WDR7: variants seen among roughly 807,000 people sequenced by gnomAD.
WDR7 encodes WD repeat domain 7.
A neutral mutation model predicts 169.4 loss-of-function variants in WDR7; 46 were observed. That is an observed-to-expected ratio of 0.27 (90% confidence interval 0.21 to 0.35). The LOEUF is 0.35. Among genes scored for constraint, WDR7 ranks in the 10% least tolerant of loss-of-function variants. The pLI is 1.00. For missense variants in WDR7, 1,534 were observed against 1,859.3 expected, an observed-to-expected ratio of 0.83 and a Z score of 3.22; for synonymous variants, 612 against 666.8, an observed-to-expected ratio of 0.92 and a Z score of 1.27.
At chr18:56,752,298 T>G (rs572365569) in intron 14 of WDR7, among the ~76,000 whole-genome samples, 38 of 152,328 alleles carry the variant, frequency 2.5e-4, no homozygotes, top group Admixed American at 9.8e-4. Flanking sequence ...ATGTGATACT[T>G]CTGTCTTTGT....
At chr18:56,948,653 G>A (rs915304023) in intron 25 of WDR7, among the ~76,000 whole-genome samples, 10 of 152,168 alleles carry the variant, frequency 6.6e-5, no homozygotes, top group Non-Finnish European at 1.5e-4. Context: ...TTCTATAAAA[G>A]ACCTTCTGTT....
chr18:56,774,758 G>A (rs1047141881), intron 16 of WDR7, among the ~76,000 whole-genome samples: 15 of 152,038 alleles, frequency 9.9e-5, no homozygotes, highest in African/African-American at 3.6e-4. Context: ...CAGTTGTGAG[G>A]TAGTGTGAAT....
intron 20 of WDR7, among the ~76,000 whole-genome samples, chr18:56,840,871 T>C (rs2045475214): frequency 6.6e-6 from 1 of 151,620 alleles, no homozygotes; most frequent in Non-Finnish European, 1.5e-5. Flanking sequence ...AATTTTGTTA[T>C]AAAATATGCA....
Position 56,736,439 on chromosome 18 carries a change from G to A in WDR7, c.1989+4842G>A, listed in dbSNP as rs576441291. ...GAAATTCTTTTTAAGCCACATCTTC[G>A]TATGATATTATTGAGAGACAGAGTA... On this transcript the variant is annotated intron_variant, in intron 14 of 27. Coordinates refer to ENST00000254442, the MANE Select transcript of WDR7 (RefSeq NM_015285.3). 6.6e-5 allele frequency among the ~76,000 whole-genome samples: 10 copies of A among 151,756 alleles called. 1 individual carries two copies. Among genetic ancestry groups the A allele is most frequent in the Non-Finnish European group, 1.0e-4 (7 of 67,938 alleles).
At chr18:56,986,172 GTGTGTGTA>G (rs1326277945) in intron 26 of WDR7, among the ~76,000 whole-genome samples, 180 of 142,042 alleles carry the variant, frequency 1.3e-3, no homozygotes, top group Non-Finnish European at 2.2e-3. Flanking sequence ...GTGTGTGTGT[GTGTGTGTA>G]TACATATTCA....
intron 20 of WDR7, among the ~76,000 whole-genome samples, chr18:56,843,563 C>A (rs1045673704): frequency 1.1e-4 from 17 of 152,170 alleles, no homozygotes; most frequent in Non-Finnish European, 2.2e-4. Flanking sequence ...ATCCATTCAA[C>A]AGAGTGGATC....
intron 27 of WDR7, among the ~76,000 whole-genome samples, chr18:57,022,203 T>C (rs1322647168): frequency 6.6e-6 from 1 of 152,250 alleles, no homozygotes; most frequent in Non-Finnish European, 1.5e-5. Flanking sequence ...AGTGGTTCTT[T>C]AAGGATTTTA....
intron 19 of WDR7, among the ~76,000 whole-genome samples, chr18:56,793,095 G>A (rs768815896): frequency 3.9e-5 from 6 of 152,208 alleles, no homozygotes; most frequent in Non-Finnish European, 8.8e-5. Flanking sequence ...GTTGTCTCCT[G>A]GAAGCACAGA....
At chr18:56,995,924 A>G (rs888224307) in intron 26 of WDR7, among the ~76,000 whole-genome samples, 12 of 152,324 alleles carry the variant, frequency 7.9e-5, no homozygotes, top group Admixed American at 2.6e-4. Flanking sequence ...CTATACATAT[A>G]GAAGCTGGGC....
chr18:56,791,304 G>A (rs1416245241), intron 19 of WDR7, among the ~76,000 whole-genome samples: 3 of 152,164 alleles, frequency 2.0e-5, no homozygotes, highest in Non-Finnish European at 2.9e-5. Flanking sequence ...GAATATTCAT[G>A]CTGATTTAAA....
chr18:57,004,941 G>A (rs992019880), intron 26 of WDR7, among the ~76,000 whole-genome samples: 1 of 152,168 alleles, frequency 6.6e-6, no homozygotes, highest in East Asian at 1.9e-4. Context: ...GTATTAACTC[G>A]TACTCACACC....
At chr18:56,677,070 C>T (rs1568131416) in intron 2 of WDR7, among the ~76,000 whole-genome samples, 1 of 152,120 alleles carries the variant, frequency 6.6e-6, no homozygotes, top group Non-Finnish European at 1.5e-5. Flanking sequence ...TTTCTGTGTA[C>T]TTACTATTAC....
At chr18:56,737,441 C>G (rs2026724914) in intron 14 of WDR7, among the ~76,000 whole-genome samples, 1 of 152,146 alleles carries the variant, frequency 6.6e-6, no homozygotes, top group Non-Finnish European at 1.5e-5. Context: ...AGCTTTACAT[C>G]TTGAGCATTG....
chr18:56,796,412 A>G (rs1246883462), intron 19 of WDR7, among the ~76,000 whole-genome samples: 1 of 152,228 alleles, frequency 6.6e-6, no homozygotes. Flanking sequence ...CCAGAGATGT[A>G]TATCTACTGA....
chr18:56,714,245 C>T (rs527436996), intron 12 of WDR7, among the ~76,000 whole-genome samples: 4 of 152,172 alleles, frequency 2.6e-5, no homozygotes, highest in Non-Finnish European at 5.9e-5. Flanking sequence ...TTAAAAAGCA[C>T]AGAACCATCT....
chr18:56,929,860 A>T (rs763871219), intron 22 of WDR7, among the ~76,000 whole-genome samples: 5 of 152,236 alleles, frequency 3.3e-5, no homozygotes, highest in Non-Finnish European at 5.9e-5. Flanking sequence ...TTAGATCAGC[A>T]TGGTCATGTA....
intron 19 of WDR7, among the ~76,000 whole-genome samples, chr18:56,796,021 T>C (rs2044579388): frequency 6.6e-6 from 1 of 152,226 alleles, no homozygotes; most frequent in Non-Finnish European, 1.5e-5. Context: ...TGAGTTTCTG[T>C]ACTTCGAAGG....
chr18:56,933,759 C>T (rs532609022), intron 22 of WDR7, among the ~76,000 whole-genome samples: 3 of 152,292 alleles, frequency 2.0e-5, no homozygotes, highest in South Asian at 2.1e-4. Context: ...TTCTCAGACC[C>T]GCCTTCTCAC....
chr18:56,881,699 C>T (rs1156929835), intron 21 of WDR7, among the ~76,000 whole-genome samples: 1 of 152,148 alleles, frequency 6.6e-6, no homozygotes, highest in East Asian at 1.9e-4. Context: ...CAACCTCCTG[C>T]CTCAGCCTCC....
Sources: allele counts gnomAD v4.1 joint callset (sites outside exome capture counted in the v4.1 genomes callset), GRCh38; gene constraint gnomAD v4.1.1; transcripts MANE v1.5; gene names NCBI Gene and HGNC (gene_info 2026-07-23, HGNC 2026-07-21).